NEGR1: variants seen among roughly 807,000 people sequenced by gnomAD.
The protein encoded by NEGR1 is IgLON family member 4.
Under a neutral mutation model 40.9 loss-of-function variants are expected in NEGR1, and 10 were observed. That is an observed-to-expected ratio of 0.24 (90% CI 0.15 to 0.42). The LOEUF (loss-of-function observed/expected upper bound fraction) is 0.42, where lower values mean the gene tolerates loss of function less well. NEGR1 is among the 10% of genes least tolerant of loss of function. NEGR1 has a pLI of 1.00. For missense variants in NEGR1, 352 were observed against 438.9 expected (o/e 0.80, Z 1.77); for synonymous variants, 185 against 166.8 (o/e 1.11, Z -0.84).
At chr1:72,095,842 G>A (rs1648677308) in intron 1 of NEGR1, among the ~76,000 whole-genome samples, 1 of 152,070 alleles carries the variant, frequency 6.6e-6, no homozygotes, top group Non-Finnish European at 1.5e-5. Flanking sequence ...GAATTATGAT[G>A]AAATTGGAAT....
chr1:72,093,616 A>G (rs1030151577), intron 1 of NEGR1, among the ~76,000 whole-genome samples: 3 of 152,156 alleles, frequency 2.0e-5, no homozygotes, highest in Non-Finnish European at 4.4e-5. Flanking sequence ...AGATATGAGA[A>G]CTTTCTAATA....
At chr1:72,136,125 T>C (rs1334513581) in intron 1 of NEGR1, among the ~76,000 whole-genome samples, 4 of 151,778 alleles carry the variant, frequency 2.6e-5, no homozygotes, top group Non-Finnish European at 5.9e-5. Flanking sequence ...ATAAACACAT[T>C]ACATAGAAAA....
intron 1 of NEGR1, among the ~76,000 whole-genome samples, chr1:72,253,316 G>A (rs1655166142): frequency 1.3e-5 from 2 of 152,130 alleles, no homozygotes; most frequent in Non-Finnish European, 2.9e-5. Context: ...GGACTCTCTA[G>A]GAAATCTTTC....
chr1:72,190,115 T>G (rs1054929931), intron 1 of NEGR1, among the ~76,000 whole-genome samples: 1 of 151,558 alleles, frequency 6.6e-6, no homozygotes, highest in African/African-American at 2.4e-5. Flanking sequence ...TACACATGAA[T>G]GAAAAATTTT....
intron 1 of NEGR1, among the ~76,000 whole-genome samples, chr1:72,106,865 TAGATATAGATAC>T (rs1649154451): frequency 6.6e-6 from 1 of 151,962 alleles, no homozygotes; most frequent in African/African-American, 2.4e-5. Flanking sequence ...CATTTAAATA[TAGATATAGATAC>T]AGATATAGAT....
intron 1 of NEGR1, among the ~76,000 whole-genome samples, chr1:72,135,666 A>T (rs72939385): frequency 0.068 from 10,372 of 152,218 alleles, 587 homozygotes; most frequent in East Asian, 0.32. Context: ...AGAGAGGATC[A>T]GAGACAACGG....
intron 1 of NEGR1, among the ~76,000 whole-genome samples, chr1:72,205,755 A>C (rs9919195): frequency 3.9e-5 from 4 of 101,848 alleles, no homozygotes; most frequent in Non-Finnish European, 7.8e-5. Flanking sequence ...CCCCATTTCT[A>C]CAAAAAAAAA....
chr1:72,130,737 A>G (rs1252576737), intron 1 of NEGR1, among the ~76,000 whole-genome samples: 3 of 152,160 alleles, frequency 2.0e-5, no homozygotes, highest in Non-Finnish European at 2.9e-5. Flanking sequence ...TGACCTCCTC[A>G]GCCAACGCAA....
chr1:71,614,304 A>G (rs1046023300), intron 4 of NEGR1, among the ~76,000 whole-genome samples: 2 of 152,000 alleles, frequency 1.3e-5, no homozygotes, highest in African/African-American at 4.8e-5. Context: ...ATGTACATAT[A>G]CATATATACC....
At chr1:71,978,069 G>A (rs1015741902) in intron 1 of NEGR1, among the ~76,000 whole-genome samples, 1 of 151,806 alleles carries the variant, frequency 6.6e-6, no homozygotes. Flanking sequence ...TCAAAGGTGT[G>A]TTTAAGAGAG....
chr1:71,943,266 CAT>C (rs1645988565), intron 1 of NEGR1, among the ~76,000 whole-genome samples: 2 of 149,566 alleles, frequency 1.3e-5, no homozygotes, highest in African/African-American at 4.9e-5. Context: ...ACACATGTAT[CAT>C]ACACATATAT....
chr1:72,100,366 T>C (rs1359130854), intron 1 of NEGR1, among the ~76,000 whole-genome samples: 1 of 152,206 alleles, frequency 6.6e-6, no homozygotes, highest in Non-Finnish European at 1.5e-5. Context: ...CCTCCGTTTT[T>C]ACTATTGCAA....
intron 1 of NEGR1, among the ~76,000 whole-genome samples, chr1:72,263,812 T>TA: frequency 6.6e-6 from 1 of 151,434 alleles, no homozygotes; most frequent in Non-Finnish European, 1.5e-5. Context: ...CAAAAAAAAT[T>TA]AAAAATGACA....
At chr1:71,747,182 AG>A (rs1445483715) in intron 3 of NEGR1, among the ~76,000 whole-genome samples, 3 of 152,150 alleles carry the variant, frequency 2.0e-5, no homozygotes, top group Non-Finnish European at 2.9e-5. Context: ...ACTGGAAAAG[AG>A]CTATTCTGAA....
intron 6 of NEGR1, among the ~76,000 whole-genome samples, chr1:71,484,457 A>C (rs1415618744): frequency 6.6e-6 from 1 of 151,784 alleles, no homozygotes; most frequent in East Asian, 1.9e-4. Flanking sequence ...GTACAAATTT[A>C]TCTTTCTGTA....
chr1:71,519,620 C>T lies in NEGR1; in HGVS notation c.940+73197G>A, dbSNP rs1232390583. ...GGGAGGGATAGCATTGGGAGATATA[C>T]CTAATGCTAGATGACACGTTAGTGG... On this transcript the variant is annotated intron_variant, in intron 6 of 6. Transcript: ENST00000357731. Among the ~76,000 whole-genome samples the T allele has an allele frequency of 7.5e-5, 9 of 120,784 alleles. No individual in the cohort carries two copies. In the East Asian group the frequency reaches 1.7e-3, roughly 23 times the overall value. 79.2% of individuals were successfully genotyped at this position (120,784 alleles called of 152,430 possible).
intron 4 of NEGR1, among the ~76,000 whole-genome samples, chr1:71,621,247 G>A (rs1010628429): frequency 9.2e-5 from 14 of 151,860 alleles, no homozygotes; most frequent in South Asian, 2.1e-4. Flanking sequence ...TTTTTTTAGC[G>A]TAATCAAGAA....
intron 2 of NEGR1, chr1:71,836,965 G>C (rs905311273): frequency 6.6e-6 from 1 of 152,070 alleles, no homozygotes; most frequent in Non-Finnish European, 1.5e-5. Flanking sequence ...AAAAAATCAG[G>C]AACAGAAGTT....
At chr1:71,428,519 T>C (rs1365729900) in intron 6 of NEGR1, among the ~76,000 whole-genome samples, 1 of 152,108 alleles carries the variant, frequency 6.6e-6, no homozygotes, top group Admixed American at 6.5e-5. Flanking sequence ...TGAAAGATAA[T>C]GAATAATTTC....
Sources: allele counts gnomAD v4.1 joint callset (sites outside exome capture counted in the v4.1 genomes callset), GRCh38; gene constraint gnomAD v4.1.1; transcripts MANE v1.5; gene names NCBI Gene and HGNC (gene_info 2026-07-23, HGNC 2026-07-21).